Variants in ABHD18 observed in about 807,000 individuals in gnomAD.
The protein encoded by ABHD18 is abhydrolase domain containing 18, also known as cardiolipin-specific deacylase, mitochondrial.
Under a neutral mutation model 65.9 loss-of-function variants are expected in ABHD18, and 55 were observed. The ratio of observed to expected loss-of-function variants is 0.84; its 90% CI spans 0.67 to 1.05. ABHD18 has a LOEUF of 1.05. Among genes scored for constraint, ABHD18 ranks in the 50% least tolerant of loss-of-function variants. ABHD18 has a pLI of 0.00. For missense variants in ABHD18, 533 were observed against 558.5 expected, an observed-to-expected ratio of 0.95 and a Z score of 0.46; for synonymous variants, 181 against 180.2, an observed-to-expected ratio of 1.00 and a Z score of -0.04.
At chr4:127,998,182 C>A (rs1752057245) in intron 4 of ABHD18, among the ~76,000 whole-genome samples, 1 of 152,034 alleles carries the variant, frequency 6.6e-6, no homozygotes, top group Non-Finnish European at 1.5e-5. Context: ...AGCCACCATG[C>A]CCAGCTTCAC....
rs756016785 is a variant in ABHD18 at position 128,028,715 on chromosome 4, A to T, written c.1042A>T (p.Lys348Ter). 9.0e-5 allele frequency: 146 copies of T among 1,613,840 alleles called. No homozygotes were observed. The highest frequency in any genetic ancestry group is 1.2e-4 in the Non-Finnish European group (143 of 1,179,888). ...CTTCAATCAAACACTTTCAACCAAC[A>T]AAAGTGGTTATACAAGTCGCAACCC... ...KRFNQTLSTN[K>*]SGYTSRNPQS... is the part of the protein sequence containing the mutation. Residue 348 changes from lysine (K) to a stop codon, truncating the protein, a stop_gained, in exon 11 of 13, where the codon AAA becomes TAA. Coordinates refer to ENST00000645843, the MANE Select transcript of ABHD18 (RefSeq NM_001358451.3). LOFTEE classifies it high-confidence loss of function.
intron 4 of ABHD18, among the ~76,000 whole-genome samples, chr4:128,000,241 G>A (rs541042981): frequency 3.5e-4 from 54 of 152,232 alleles, no homozygotes; most frequent in African/African-American, 1.2e-3. Flanking sequence ...TTCTTCTGGG[G>A]TTTTTATTGT....
intron 4 of ABHD18, among the ~76,000 whole-genome samples, chr4:127,990,170 C>T (rs998264125): frequency 2.0e-5 from 3 of 152,158 alleles, no homozygotes; most frequent in Non-Finnish European, 4.4e-5. Flanking sequence ...TTTGTAAACA[C>T]ACAAGTATGC....
At chr4:127,978,204 A>G (rs1035674691) in intron 1 of ABHD18, among the ~76,000 whole-genome samples, 3 of 152,124 alleles carry the variant, frequency 2.0e-5, no homozygotes, top group African/African-American at 7.2e-5. Context: ...AGACTTCTAG[A>G]TTTTTATTTT....
intron 1 of ABHD18, among the ~76,000 whole-genome samples, chr4:127,968,199 G>A (rs1289010199): frequency 6.6e-6 from 1 of 152,210 alleles, no homozygotes; most frequent in Admixed American, 6.5e-5. Flanking sequence ...GACAGAGCGA[G>A]ACTCCGTCTC....
At chr4:128,022,497 T>G (rs1276119808) in intron 10 of ABHD18, among the ~76,000 whole-genome samples, 1 of 152,182 alleles carries the variant, frequency 6.6e-6, no homozygotes, top group Non-Finnish European at 1.5e-5. Context: ...ACATAATATC[T>G]GATTATCTCT....
rs1214281034 is a variant in ABHD18 at position 128,038,322 on chromosome 4, C to T, written c.*2509C>T. 1 of 152,096 alleles carries T rather than the reference C, an allele frequency of 6.6e-6. No homozygotes were observed. The highest frequency in any genetic ancestry group is 2.4e-5 in the African/African-American group (1 of 41,404). The allele number at this position is 152,096 out of a possible 1,614,324, so 9.4% of individuals were successfully genotyped here. A position where few individuals can be genotyped will look rare whatever the true frequency, so the allele number is the denominator to read the frequency against. On this transcript the variant is annotated 3_prime_UTR_variant, in exon 13 of 13. Coordinates refer to ENST00000645843, the MANE Select transcript of ABHD18 (RefSeq NM_001358451.3). ...CCACAAAATACTTTTTAAAATAAAA[C>T]TTGTCAACTGAATTACGATTTTCTT...
chr4:127,969,851 A>G (rs1174024402), intron 1 of ABHD18, among the ~76,000 whole-genome samples: 7 of 151,706 alleles, frequency 4.6e-5, no homozygotes, highest in African/African-American at 4.8e-5. Context: ...GGCTTACACA[A>G]TCTTCCCTCC....
chr4:128,021,049 AAG>A, intron 9 of ABHD18, 86 bp from the exon 10 acceptor site: 1 of 750,538 alleles, frequency 1.3e-6, no homozygotes, highest in Non-Finnish European at 2.1e-6. Context: ...AAAAAAAAAA[AAG>A]GTAGTCTCAC....
chr4:128,032,707 G>T (rs1758381697), intron 12 of ABHD18, among the ~76,000 whole-genome samples: 1 of 151,950 alleles, frequency 6.6e-6, no homozygotes, highest in South Asian at 2.1e-4. Flanking sequence ...TTCCAGCCTG[G>T]GTGACAGTGA....
chr4:128,038,810 T>TACTC lies in ABHD18; in HGVS notation c.*2997_*2998insACTC, dbSNP rs1420890713. The TACTC allele has an allele frequency of 6.6e-6, 1 of 152,140 alleles. No homozygotes were observed. The highest frequency in any genetic ancestry group is 1.5e-5 in the Non-Finnish European group (1 of 68,030). The allele number at this position is 152,140 out of a possible 1,614,324, so 9.4% of individuals were successfully genotyped here. A position where few individuals can be genotyped will look rare whatever the true frequency, so the allele number is the denominator to read the frequency against. ...CTGTAATCCCAGCTACTCAGGAGGC[T>TACTC]GAGCCAGGAGAATCGCTTGAACCCG... On this transcript the variant is annotated 3_prime_UTR_variant, in exon 13 of 13. Transcript: ENST00000645843.
In ABHD18 at chr4:128,017,502, G is replaced by A. The variant is rs550278588; in HGVS notation, c.609+1G>A. ...GACTGGAATATCCATGGGAGGACAC[G>A]TAAGCCTTTTTATTTCTGCTTACAT... On this transcript the variant is annotated splice_donor_variant, in intron 8 of 12. Transcript: ENST00000645843. LOFTEE classifies it high-confidence loss of function. 6.9e-6 allele frequency: 11 copies of A among 1,594,468 alleles called. No homozygotes were observed. Among genetic ancestry groups the A allele is most frequent in the African/African-American group, 1.4e-5 (1 of 73,836 alleles).
At chr4:128,007,756 T>C (rs1416847467) in intron 4 of ABHD18, among the ~76,000 whole-genome samples, 5 of 145,684 alleles carry the variant, frequency 3.4e-5, no homozygotes, top group Admixed American at 6.9e-5. Flanking sequence ...AAAAAAAAAA[T>C]AGACAAATAG....
At chr4:128,027,519 C>T (rs1169234129) in intron 10 of ABHD18, among the ~76,000 whole-genome samples, 1 of 152,082 alleles carries the variant, frequency 6.6e-6, no homozygotes, top group Non-Finnish European at 1.5e-5. Flanking sequence ...GATTCTCCTG[C>T]CTCAGCCTCT....
intron 12 of ABHD18, among the ~76,000 whole-genome samples, chr4:128,032,124 C>G (rs569086701): frequency 6.6e-6 from 1 of 152,094 alleles, no homozygotes; most frequent in Admixed American, 6.6e-5. Flanking sequence ...TATAAAAACA[C>G]AAAAGTGCTA....
intron 10 of ABHD18, among the ~76,000 whole-genome samples, chr4:128,024,379 G>A (rs1757019418): frequency 2.6e-5 from 4 of 152,112 alleles, no homozygotes; most frequent in African/African-American, 7.2e-5. Flanking sequence ...CTATTACATT[G>A]GGGATTAAGT....
chr4:127,979,042 A>G (rs1030107821), intron 1 of ABHD18, among the ~76,000 whole-genome samples: 16 of 152,222 alleles, frequency 1.1e-4, no homozygotes, highest in South Asian at 2.1e-4. Flanking sequence ...TATTCAAAGT[A>G]AATGTAAAAT....
chr4:127,972,520 CTTTTTTTTT>C (rs11286287), intron 1 of ABHD18, among the ~76,000 whole-genome samples: 3 of 60,888 alleles, frequency 4.9e-5, no homozygotes, highest in African/African-American at 1.4e-4. Context: ...CAGATATACT[CTTTTTTTTT>C]TTTTTTTTTT....
chr4:128,016,119 A>G (rs1388694573), intron 7 of ABHD18, among the ~76,000 whole-genome samples: 1 of 151,664 alleles, frequency 6.6e-6, no homozygotes. Flanking sequence ...ACGCCCAGCT[A>G]ATTTTTGTAT....
Sources: gnomAD v4.1 joint callset for allele counts (sites outside exome capture counted in the v4.1 genomes callset) on GRCh38, gnomAD v4.1.1 for gene constraint, MANE v1.5 for transcripts, NCBI Gene and HGNC (gene_info 2026-07-23, HGNC 2026-07-21) for gene names.